Variants in RIMS2 observed in about 807,000 individuals in gnomAD.
RIMS2 encodes regulating synaptic membrane exocytosis protein 2.
Under a neutral mutation model 174.4 loss-of-function variants are expected in RIMS2, and 59 were observed. The observed-to-expected ratio is 0.34, with a 90% CI of 0.27 to 0.42. The LOEUF is 0.42. Ranked by LOEUF, RIMS2 falls within the 10% of genes least tolerant of loss-of-function variation. The pLI is 1.00. For missense variants in RIMS2, 1,620 were observed against 1,666.3 expected (o/e 0.97, Z 0.48); for synonymous variants, 606 against 572.5 (o/e 1.06, Z -0.84).
chr8:103,684,564 A>G (rs868760045), intron 1 of RIMS2, among the ~76,000 whole-genome samples: 4 of 107,070 alleles, frequency 3.7e-5, no homozygotes, highest in Non-Finnish European at 8.0e-5. Flanking sequence ...ATTTTATTTT[A>G]TTTTATTTTA....
chr8:103,696,741 T>C (rs1466067623), intron 1 of RIMS2, among the ~76,000 whole-genome samples: 1 of 151,644 alleles, frequency 6.6e-6, no homozygotes, highest in Non-Finnish European at 1.5e-5. Flanking sequence ...TGTGTGCCTG[T>C]AGTCCTAGCT....
intron 1 of RIMS2, among the ~76,000 whole-genome samples, chr8:103,502,907 T>C (rs922358279): frequency 6.6e-6 from 1 of 152,020 alleles, no homozygotes; most frequent in African/African-American, 2.4e-5. Flanking sequence ...ACTTTAAGTA[T>C]TAGGATTATT....
chr8:103,929,190 C>T (rs1418782859), intron 11 of RIMS2, among the ~76,000 whole-genome samples: 1 of 151,286 alleles, frequency 6.6e-6, no homozygotes, highest in African/African-American at 2.4e-5. Context: ...AATATTATAC[C>T]AAAAATATGA....
chr8:104,145,326 G>A (rs1229454155), intron 19 of RIMS2, among the ~76,000 whole-genome samples: 2 of 151,820 alleles, frequency 1.3e-5, no homozygotes, highest in East Asian at 1.9e-4. Context: ...CACTAGAAGT[G>A]TTGAAATATA....
intron 1 of RIMS2, among the ~76,000 whole-genome samples, chr8:103,551,721 C>G (rs1332988537): frequency 6.6e-6 from 1 of 152,176 alleles, no homozygotes; most frequent in Non-Finnish European, 1.5e-5. Context: ...AGCCCCAAAT[C>G]TCCTTAAGCT....
At chr8:104,232,689 A>G (rs1018552439) in intron 19 of RIMS2, among the ~76,000 whole-genome samples, 1 of 152,210 alleles carries the variant, frequency 6.6e-6, no homozygotes, top group African/African-American at 2.4e-5. Flanking sequence ...ACTTCGGGAA[A>G]GTATATTCTG....
chr8:103,876,380 T>G (rs1010543733), intron 3 of RIMS2, among the ~76,000 whole-genome samples: 1 of 132,242 alleles, frequency 7.6e-6, no homozygotes, highest in Non-Finnish European at 1.7e-5. Context: ...CAGTGTATGG[T>G]TTTTTTTTAA....
At chr8:103,598,164 T>A (rs1177933974) in intron 1 of RIMS2, among the ~76,000 whole-genome samples, 2 of 152,184 alleles carry the variant, frequency 1.3e-5, no homozygotes, top group East Asian at 3.8e-4. Flanking sequence ...GGATCTGAAC[T>A]AAATCAGATT....
chr8:104,139,778 G>T (rs533175409), intron 19 of RIMS2, among the ~76,000 whole-genome samples: 6 of 152,190 alleles, frequency 3.9e-5, no homozygotes, highest in African/African-American at 1.4e-4. Flanking sequence ...GATTGATCTA[G>T]CTAGGACTTC....
At chr8:103,856,647 T>G (rs2154495222) in intron 3 of RIMS2, among the ~76,000 whole-genome samples, 1 of 152,334 alleles carries the variant, frequency 6.6e-6, no homozygotes, top group Non-Finnish European at 1.5e-5. Flanking sequence ...AAAGCATTCA[T>G]TTGTTAAACA....
intron 1 of RIMS2, among the ~76,000 whole-genome samples, chr8:103,578,209 T>C (rs34768476): frequency 8.0e-4 from 121 of 152,094 alleles, no homozygotes; most frequent in Non-Finnish European, 1.5e-3. Flanking sequence ...AAAGAGAGGA[T>C]TCTAAATGCA....
intron 19 of RIMS2, among the ~76,000 whole-genome samples, chr8:104,230,838 G>C (rs942612533): frequency 1.3e-5 from 2 of 152,080 alleles, no homozygotes; most frequent in Non-Finnish European, 2.9e-5. Flanking sequence ...GTCAGTTCTA[G>C]CTAATTAATG....
intron 3 of RIMS2, among the ~76,000 whole-genome samples, chr8:103,870,689 T>C (rs1220175538): frequency 6.6e-6 from 1 of 152,192 alleles, no homozygotes; most frequent in East Asian, 1.9e-4. Flanking sequence ...TTTATTTTTT[T>C]CTTACTTCCT....
intron 1 of RIMS2, among the ~76,000 whole-genome samples, chr8:103,673,673 G>A (rs1328063584): frequency 6.6e-6 from 1 of 152,168 alleles, no homozygotes; most frequent in East Asian, 1.9e-4. Context: ...CTCAGTGCCT[G>A]TGATAGGTGG....
intron 3 of RIMS2, among the ~76,000 whole-genome samples, chr8:103,834,000 C>CATTT (rs1168129728): frequency 4.6e-4 from 70 of 151,556 alleles, no homozygotes; most frequent in East Asian, 1.2e-3. Context: ...TTTGTTTGTT[C>CATTT]ATTTATTTAT....
intron 13 of RIMS2, among the ~76,000 whole-genome samples, chr8:103,940,890 A>AG (rs2082382800): frequency 6.6e-6 from 1 of 151,906 alleles, no homozygotes; most frequent in African/African-American, 2.4e-5. Flanking sequence ...AAAAAAAAAA[A>AG]AAGCTAAAAT....
chr8:104,221,875 C>T (rs1343159392), intron 19 of RIMS2, among the ~76,000 whole-genome samples: 2 of 152,228 alleles, frequency 1.3e-5, no homozygotes, highest in African/African-American at 4.8e-5. Flanking sequence ...TGACCTATGT[C>T]TTTCTCTGAC....
chr8:104,243,542 A>C (rs990247448), intron 19 of RIMS2, among the ~76,000 whole-genome samples: 2 of 152,054 alleles, frequency 1.3e-5, no homozygotes, highest in African/African-American at 4.8e-5. Flanking sequence ...AAAAATTAGA[A>C]GGGCATGGTG....
intron 19 of RIMS2, among the ~76,000 whole-genome samples, chr8:104,143,182 G>A (rs1249582745): frequency 6.6e-6 from 1 of 152,154 alleles, no homozygotes; most frequent in Non-Finnish European, 1.5e-5. Flanking sequence ...CATAATAGGT[G>A]TTCAGTAAAT....
Sources: gnomAD v4.1 joint callset for allele counts (sites outside exome capture counted in the v4.1 genomes callset) on GRCh38, gnomAD v4.1.1 for gene constraint, MANE v1.5 for transcripts, NCBI Gene and HGNC (gene_info 2026-07-23, HGNC 2026-07-21) for gene names.